GTF2I: variants seen among roughly 807,000 people sequenced by gnomAD.
GTF2I encodes general transcription factor IIi.
Under a neutral mutation model 67.6 loss-of-function variants are expected in GTF2I, and 12 were observed. That is an observed-to-expected ratio of 0.18 (90% confidence interval 0.11 to 0.29). The LOEUF is 0.29. GTF2I is among the 10% of genes least tolerant of loss of function. The probability of loss-of-function intolerance (pLI) is 1.00; values close to 1 mark genes in which losing one functional copy is unlikely to be tolerated. For missense variants in GTF2I, 271 were observed against 580.1 expected (o/e 0.47, Z 5.47); for synonymous variants, 149 against 197.0 (o/e 0.76, Z 2.04).
chr7:74,724,543 T>C (rs1793513680), intron 12 of GTF2I, among the ~76,000 whole-genome samples: 1 of 152,206 alleles, frequency 6.6e-6, no homozygotes, highest in Non-Finnish European at 1.5e-5. Flanking sequence ...AGGGACGGTG[T>C]TGCCAACTTG....
intron 1 of GTF2I, among the ~76,000 whole-genome samples, chr7:74,674,261 C>G (rs918947867): frequency 1.3e-5 from 2 of 151,864 alleles, no homozygotes; most frequent in African/African-American, 2.4e-5. Flanking sequence ...GAGAAGGGAT[C>G]TCACTCTATT....
chr7:74,727,250 G>C (rs1228583574), intron 12 of GTF2I: 1 of 152,190 alleles, frequency 6.6e-6, no homozygotes, highest in African/African-American at 2.4e-5. Flanking sequence ...GAGCCCAAAG[G>C]CAGCAAGCAA....
chr7:74,717,112 T>A, intron 11 of GTF2I, 162 bp downstream of exon 11: 9 of 894,484 alleles, frequency 1.0e-5, no homozygotes, highest in Non-Finnish European at 1.4e-5. Flanking sequence ...AATTCTAAGA[T>A]GTAATATACT....
intron 7 of GTF2I, among the ~76,000 whole-genome samples, 170 bp from the exon 8 acceptor site, chr7:74,706,220 A>G (rs1157630819): frequency 6.6e-6 from 1 of 152,204 alleles, no homozygotes; most frequent in Non-Finnish European, 1.5e-5. Flanking sequence ...GCCCGGCCCA[A>G]TAACTCTTAT....
intron 12 of GTF2I, among the ~76,000 whole-genome samples, chr7:74,725,166 T>G (rs73702632): frequency 0.015 from 2,308 of 152,228 alleles, 56 homozygotes; most frequent in African/African-American, 0.053. Flanking sequence ...TTTGATCCTT[T>G]GTGGAAAGGA....
chr7:74,716,691 A>C (rs1562971153), intron 10 of GTF2I: 1 of 486,110 alleles, frequency 2.1e-6, no homozygotes, highest in Non-Finnish European at 3.7e-6. Context: ...GTGTTTTCAA[A>C]TAATTTTTTT....
chr7:74,730,977 C>T (rs1794426148), intron 14 of GTF2I, among the ~76,000 whole-genome samples: 1 of 131,544 alleles, frequency 7.6e-6, no homozygotes, highest in African/African-American at 2.9e-5. Flanking sequence ...AAAGTGCTAG[C>T]ATTACAGGCG....
In GTF2I at chr7:74,691,111, T is replaced by G; in HGVS notation, c.238T>G (p.Cys80Gly). ...KDFQKDFVKYCVEEEEKAAEM... is the reference protein window; with the variant it reads ...KDFQKDFVKYGVEEEEKAAEM... ...TTTTCAAAAAGATTTTGTAAAATAT[T>G]GTAAGCATTGTATTTTTATCTTTTG... is the stretch of plus-strand genomic sequence containing the variant. The change falls in exon 3 of 35, where the codon TGT becomes GGT. Residue 80 changes from cysteine to glycine, a missense_variant and splice_region_variant. Coordinates refer to ENST00000573035, the MANE Select transcript of GTF2I (RefSeq NM_032999.4). 1 of 1,587,884 alleles carries G rather than the reference T, an allele frequency of 6.3e-7. No homozygotes were observed. The highest frequency in any genetic ancestry group is 8.6e-7 in the Non-Finnish European group (1 of 1,158,784).
At chr7:74,716,849 G>A in intron 10 of GTF2I, 45 bp from the exon 11 acceptor site, 1 of 1,265,916 alleles carries the variant, frequency 7.9e-7, no homozygotes, top group Admixed American at 1.7e-5. Flanking sequence ...ATCTTTCAAT[G>A]TCAGTTTTTA....
chr7:74,699,157 A>T, intron 4 of GTF2I, 62 bp downstream of exon 4: 1 of 882,524 alleles, frequency 1.1e-6, no homozygotes, highest in Non-Finnish European at 1.6e-6. Flanking sequence ...TTCTAAAGGG[A>T]AGCTTATGTA....
intron 3 of GTF2I, among the ~76,000 whole-genome samples, chr7:74,691,917 C>T (rs1439113756): frequency 2.0e-5 from 3 of 151,930 alleles, no homozygotes; most frequent in African/African-American, 4.8e-5. Context: ...GCTGGGATTA[C>T]AGGTGCCCAC....
At chr7:74,706,687 G>A (rs1049582725) in intron 8 of GTF2I, among the ~76,000 whole-genome samples, 10 of 151,270 alleles carry the variant, frequency 6.6e-5, no homozygotes, top group Admixed American at 2.0e-4. Flanking sequence ...TTTTTTTCCC[G>A]TTGTACAGAC....
chr7:74,675,839 G>A lies in GTF2I; in HGVS notation c.-5-13285G>A, dbSNP rs898569826. ...AGCCTAGCAAACATGGCAAAACCCC[G>A]TCTCTACTAAAAATACAAAAATTAG... is the stretch of plus-strand genomic sequence containing the variant. On this transcript the variant is annotated intron_variant, in intron 1 of 34. Transcript: ENST00000573035. Among the ~76,000 whole-genome samples, 30 of 151,954 alleles carry A rather than the reference G, an allele frequency of 2.0e-4. 1 individual carries two copies. Among genetic ancestry groups the A allele is most frequent in the Admixed American group, 5.9e-4 (9 of 15,210 alleles).
At position 74,661,783 on chromosome 7, in the gene GTF2I, C is replaced by A. The variant is rs118077281; in HGVS notation, c.-6+3715C>A. On this transcript the variant is annotated intron_variant, in intron 1 of 34. Transcript: ENST00000573035. The stretch of plus-strand genomic sequence containing the variant: ...GCTGAGAGTTGAGAATTCCTGTTAG[C>A]CATGATTAGAAAAGTTAAAAGTTTC... Among the ~76,000 whole-genome samples the A allele has an allele frequency of 3.3e-5, 5 of 152,200 alleles. No homozygotes were observed. In the South Asian group the frequency reaches 1.0e-3, roughly 32 times the overall value.
chr7:74,666,118 C>T (rs1464561465), intron 1 of GTF2I, among the ~76,000 whole-genome samples: 1 of 152,168 alleles, frequency 6.6e-6, no homozygotes, highest in East Asian at 1.9e-4. Context: ...GCTGGGATTA[C>T]AGACGTGATC....
chr7:74,665,839 G>T (rs587633773), intron 1 of GTF2I, among the ~76,000 whole-genome samples: 1 of 152,062 alleles, frequency 6.6e-6, no homozygotes, highest in Admixed American at 6.6e-5. Context: ...TTGTTTTTAT[G>T]TTTTGTTTTG....
At chr7:74,661,603 C>T (rs587771529) in intron 1 of GTF2I, among the ~76,000 whole-genome samples, 1 of 152,038 alleles carries the variant, frequency 6.6e-6, no homozygotes, top group East Asian at 1.9e-4. Flanking sequence ...TCTCTTGAAC[C>T]CAGGAGGTGG....
At chr7:74,692,068 C>T (rs1788364068) in intron 3 of GTF2I, among the ~76,000 whole-genome samples, 1 of 149,800 alleles carries the variant, frequency 6.7e-6, no homozygotes, top group Non-Finnish European at 1.5e-5. Context: ...TGAGCCACCA[C>T]TCTCGGCTTT....
chr7:74,701,796 A>T (rs1454630942), intron 6 of GTF2I, among the ~76,000 whole-genome samples: 1 of 152,138 alleles, frequency 6.6e-6, no homozygotes, highest in African/African-American at 2.4e-5. Flanking sequence ...ATAATTCACT[A>T]ATAGTAGATT....
Sources: gnomAD v4.1 joint callset for allele counts (sites outside exome capture counted in the v4.1 genomes callset) on GRCh38, gnomAD v4.1.1 for gene constraint, MANE v1.5 for transcripts, NCBI Gene and HGNC (gene_info 2026-07-23, HGNC 2026-07-21) for gene names.